The following GPR161 variants were observed in gnomAD, a reference collection of about 807,000 sequenced individuals.
The protein encoded by GPR161 is G-protein coupled receptor RE2.
In GPR161, 25 loss-of-function variants were observed where a neutral mutation model predicts 39.2. That is an observed-to-expected ratio of 0.64 (90% CI 0.47 to 0.89). GPR161 has a LOEUF of 0.89. Among genes scored for constraint, GPR161 ranks in the 40% least tolerant of loss-of-function variants. The pLI, the probability that GPR161 is intolerant of heterozygous loss-of-function variation, is 0.00. For synonymous variants in GPR161, 286 were observed against 276.6 expected, an observed-to-expected ratio of 1.03 and a Z score of -0.34; for missense variants, 547 against 677.8, an observed-to-expected ratio of 0.81 and a Z score of 2.14.
intron 3 of GPR161, among the ~76,000 whole-genome samples, chr1:168,094,294 AC>A (rs1558094807): frequency 6.6e-6 from 1 of 151,790 alleles, no homozygotes; most frequent in African/African-American, 2.4e-5. Context: ...TGCCTAGAAG[AC>A]AAGTGAGTTT....
At chr1:168,097,578 A>G (rs1357232676) in intron 2 of GPR161, among the ~76,000 whole-genome samples, 6 of 152,230 alleles carry the variant, frequency 3.9e-5, no homozygotes. Context: ...TGCTGCTGAC[A>G]GCAGAATCAT....
At chr1:168,131,173 A>G (rs1698962277) in intron 1 of GPR161, among the ~76,000 whole-genome samples, 1 of 152,088 alleles carries the variant, frequency 6.6e-6, no homozygotes, top group Non-Finnish European at 1.5e-5. Context: ...TCCCTGGACT[A>G]CTAACAGGCA....
intron 2 of GPR161, 118 bp downstream of exon 2, chr1:168,104,359 T>C: frequency 1.3e-6 from 1 of 771,020 alleles, no homozygotes; most frequent in Non-Finnish European, 2.1e-6. Flanking sequence ...CACCTGGTCA[T>C]CCTCCCCCAG....
At chr1:168,126,063 T>C (rs1698565073) in intron 1 of GPR161, among the ~76,000 whole-genome samples, 1 of 152,252 alleles carries the variant, frequency 6.6e-6, no homozygotes, top group Non-Finnish European at 1.5e-5. Flanking sequence ...TACACACATA[T>C]GTAAACTATT....
At chr1:168,136,309 T>C (rs1289705704) in intron 1 of GPR161, 1 of 1,481,880 alleles carries the variant, frequency 6.7e-7, no homozygotes, top group South Asian at 1.3e-5. Context: ...CCCACACCCT[T>C]TGCCCTGAGC....
At position 168,104,838 on chromosome 1, in the gene GPR161, A is replaced by G. The variant is rs750671489; in HGVS notation, c.13T>C (p.Ser5Pro). 1.2e-6 allele frequency: 2 copies of G among 1,613,738 alleles called. No homozygotes were observed. The highest frequency in any genetic ancestry group is 1.7e-6 in the Non-Finnish European group (2 of 1,179,902). ...AGCTCCTTCCTGCAGCTGAGGGAGG[A>G]GTTGAGGCTCATGGTCAGTGCACCT... MSLN[S>P]SLSCRKELSN... is the part of the protein sequence containing the mutation. The change falls in exon 2 of 6, where the codon TCC becomes CCC. Residue 5 changes from serine to proline, a missense_variant. Coordinates refer to ENST00000682931, the MANE Select transcript of GPR161 (RefSeq NM_001375883.1).
chr1:168,117,755 T>C (rs540576442), intron 1 of GPR161, among the ~76,000 whole-genome samples: 2 of 152,256 alleles, frequency 1.3e-5, no homozygotes, highest in South Asian at 2.1e-4. Flanking sequence ...AATCCATCCA[T>C]TCACCACAGC....
chr1:168,110,588 AAAAGAAAAG>A (rs1348928565), intron 1 of GPR161, among the ~76,000 whole-genome samples: 2 of 95,776 alleles, frequency 2.1e-5, no homozygotes, highest in Non-Finnish European at 4.0e-5. Flanking sequence ...AAAAGAAAAG[AAAAGAAAAG>A]AGACAATAAA....
rs146037183 is a variant in GPR161, at chr1:168,132,047, C to T, written c.-45+4692G>A. Among the ~76,000 whole-genome samples the T allele has an allele frequency of 5.9e-3, 903 of 152,200 alleles. 3 individuals are homozygous for T. Among genetic ancestry groups the T allele is most frequent in the Middle Eastern group, 0.01 (3 of 294 alleles). ...TGGGAGGCCGAGGTGGGCAAATCCC[C>T]GGAGGTCAGGAGTTTGAGACCAGCC... On this transcript the variant is annotated intron_variant, in intron 1 of 5. Transcript: ENST00000682931.
intron 1 of GPR161, among the ~76,000 whole-genome samples, chr1:168,108,948 T>C (rs1373960074): frequency 3.9e-5 from 6 of 152,136 alleles, no homozygotes; most frequent in African/African-American, 7.2e-5. Flanking sequence ...CTGTGGGAGA[T>C]AAACGATACA....
At chr1:168,137,663 T>C, upstream of GPR161, 1 of 567,760 alleles carries the variant, frequency 1.8e-6, no homozygotes, top group Non-Finnish European at 3.1e-6. Flanking sequence ...CTCCCCACTT[T>C]GCCTGCCTGT....
chr1:168,118,132 A>G (rs1426602009), intron 1 of GPR161, among the ~76,000 whole-genome samples: 1 of 152,214 alleles, frequency 6.6e-6, no homozygotes, highest in Non-Finnish European at 1.5e-5. Flanking sequence ...AAAATAGACA[A>G]AATGGACTTC....
At position 168,096,623 on chromosome 1, in the gene GPR161, G is replaced by C; in HGVS notation, c.984C>G (p.Asn328Lys). The change falls in exon 3 of 6, where the codon AAC becomes AAG. Residue 328 changes from asparagine to lysine, a missense_variant. Transcript: ENST00000682931. The stretch of plus-strand genomic sequence containing the variant: ...CCAGTAGTTCTTTGCGAACTGTCTT[G>C]TTCCAGAGTCCATAGATCAGGGGGT... Reference protein sequence around the residue: ...VCHPLIYGLWNKTVRKELLGM... With the variant: ...VCHPLIYGLWKKTVRKELLGM... The C allele has an allele frequency of 6.2e-7, 1 of 1,614,212 alleles. No homozygotes were observed. The highest frequency in any genetic ancestry group is 8.5e-7 in the Non-Finnish European group (1 of 1,180,036).
At chr1:168,107,667 T>C (rs1210889490) in intron 1 of GPR161, among the ~76,000 whole-genome samples, 2 of 152,188 alleles carry the variant, frequency 1.3e-5, no homozygotes, top group Non-Finnish European at 2.9e-5. Context: ...CAACAAAAAA[T>C]GGACAAAGAC....
intron 1 of GPR161, among the ~76,000 whole-genome samples, chr1:168,105,855 T>G (rs1696564771): frequency 6.6e-6 from 1 of 152,208 alleles, no homozygotes; most frequent in Non-Finnish European, 1.5e-5. Context: ...CCTGCTCTCA[T>G]TCTCTGCACA....
chr1:168,116,924 G>C (rs1037643452), intron 1 of GPR161, among the ~76,000 whole-genome samples: 1 of 152,216 alleles, frequency 6.6e-6, no homozygotes, highest in African/African-American at 2.4e-5. Flanking sequence ...AAAGAAGCTA[G>C]AGTCAGAACC....
At chr1:168,107,187 A>G (rs1696690905) in intron 1 of GPR161, among the ~76,000 whole-genome samples, 1 of 152,242 alleles carries the variant, frequency 6.6e-6, no homozygotes, top group African/African-American at 2.4e-5. Context: ...AAAGCTAATC[A>G]TCCTCATCTG....
intron 3 of GPR161, among the ~76,000 whole-genome samples, chr1:168,091,835 C>T (rs1412197074): frequency 6.6e-6 from 1 of 152,138 alleles, no homozygotes; most frequent in Non-Finnish European, 1.5e-5. Context: ...AAACAAAGCA[C>T]AAGAAGTCAA....
chr1:168,104,743 G>C lies in GPR161; in HGVS notation c.108C>G (p.Val36=), dbSNP rs1696435350. The C allele has an allele frequency of 6.2e-7, 1 of 1,614,034 alleles. No homozygotes were observed. Among genetic ancestry groups the C allele is most frequent in the African/African-American group, 1.3e-5 (1 of 75,028 alleles). The stretch of plus-strand genomic sequence containing the variant: ...TTCCCAGGCAGACAAAAATGGTGAT[G>C]ACAATGATGGCGATGAACTGGGTGA... ...VIITQFIAII[V]ITIFVCLGNL... is the part of the protein sequence containing the mutation. The change falls in exon 2 of 6, where the codon GTC becomes GTG. Residue 36 remains valine (V), a synonymous_variant. Transcript: ENST00000682931.
Sources: allele counts gnomAD v4.1 joint callset (sites outside exome capture counted in the v4.1 genomes callset), GRCh38; gene constraint gnomAD v4.1.1; transcripts MANE v1.5; gene names NCBI Gene and HGNC (gene_info 2026-07-23, HGNC 2026-07-21).